Variants in CNTNAP5 observed in about 807,000 individuals in gnomAD.
CNTNAP5 encodes the protein contactin-associated protein-like 5.
In CNTNAP5, 72 loss-of-function variants were observed where a neutral mutation model predicts 150.2. That is an observed-to-expected ratio of 0.48 (90% CI 0.40 to 0.58). The LOEUF (loss-of-function observed/expected upper bound fraction) is 0.58, where lower values mean the gene tolerates loss of function less well. CNTNAP5 is among the 20% of genes least tolerant of loss of function. The pLI is 0.00. For missense variants in CNTNAP5, 1,636 were observed against 1,626.2 expected (o/e 1.01, Z -0.10); for synonymous variants, 672 against 619.8 (o/e 1.08, Z -1.25).
chr2:124,697,269 C>T (rs538527493), intron 13 of CNTNAP5, among the ~76,000 whole-genome samples: 2 of 152,072 alleles, frequency 1.3e-5, no homozygotes, highest in Non-Finnish European at 2.9e-5. Context: ...TAACTGAAGT[C>T]CAGAGTTACT....
chr2:124,211,556 A>T (rs1686012634), intron 1 of CNTNAP5, among the ~76,000 whole-genome samples: 1 of 151,884 alleles, frequency 6.6e-6, no homozygotes, highest in Admixed American at 6.6e-5. Flanking sequence ...AAGCAACCAC[A>T]TTATGATCTT....
chr2:124,554,565 C>T (rs1695709019), intron 10 of CNTNAP5, among the ~76,000 whole-genome samples: 1 of 151,672 alleles, frequency 6.6e-6, no homozygotes, highest in South Asian at 2.1e-4. Flanking sequence ...GGACTATAGG[C>T]GTGCACCTCC....
At chr2:124,152,142 T>A (rs1684421697) in intron 1 of CNTNAP5, among the ~76,000 whole-genome samples, 1 of 152,250 alleles carries the variant, frequency 6.6e-6, no homozygotes, top group South Asian at 2.1e-4. Context: ...CTGACTGCGC[T>A]CTACCTCAGG....
chr2:124,612,296 A>G (rs928853043), intron 12 of CNTNAP5, among the ~76,000 whole-genome samples: 2 of 152,216 alleles, frequency 1.3e-5, no homozygotes, highest in African/African-American at 4.8e-5. Flanking sequence ...TGTATGTTAT[A>G]TATATACATA....
At chr2:124,370,621 G>A (rs1210495701) in intron 3 of CNTNAP5, among the ~76,000 whole-genome samples, 1 of 152,088 alleles carries the variant, frequency 6.6e-6, no homozygotes, top group Non-Finnish European at 1.5e-5. Flanking sequence ...GGGAAATAAT[G>A]AATACGAAGT....
chr2:124,075,714 C>G (rs1682420491), intron 1 of CNTNAP5, among the ~76,000 whole-genome samples: 1 of 152,064 alleles, frequency 6.6e-6, no homozygotes, highest in Admixed American at 6.6e-5. Context: ...ATTTTGCTGT[C>G]TGTGTGTGGA....
chr2:124,524,382 T>A lies in CNTNAP5; in HGVS notation c.1407T>A (p.Asp469Glu), dbSNP rs533995937. ...ACCGCATCACGCTCACTCTGGATGA[T>A]GAAGCAGCACCCCCGGCTCCAGACA... is the stretch of plus-strand genomic sequence containing the variant. The part of the protein sequence containing the change: ...RRNRITLTLD[D>E]EAAPPAPDST... The change falls in exon 9 of 24, where the codon GAT becomes GAA. Residue 469 changes from aspartate to glutamate, a missense_variant. By Grantham distance (45) the Asp-to-Glu change is conservative. Transcript: ENST00000682447. 284 of 1,613,872 alleles carry A rather than the reference T, an allele frequency of 1.8e-4. 3 individuals carry two copies. In the South Asian group the frequency reaches 3.0e-3, roughly 17 times the overall value.
At chr2:124,089,340 T>A (rs1682766741) in intron 1 of CNTNAP5, among the ~76,000 whole-genome samples, 1 of 152,126 alleles carries the variant, frequency 6.6e-6, no homozygotes. Context: ...GGCGTTTGAC[T>A]TGTAGCATCT....
chr2:124,299,086 G>A (rs1395519644), intron 3 of CNTNAP5, among the ~76,000 whole-genome samples: 1 of 152,082 alleles, frequency 6.6e-6, no homozygotes, highest in East Asian at 1.9e-4. Context: ...AGGGAAACAG[G>A]GACACGTCAC....
chr2:124,675,024 TC>T (rs1678910218), intron 13 of CNTNAP5, among the ~76,000 whole-genome samples: 1 of 152,114 alleles, frequency 6.6e-6, no homozygotes, highest in African/African-American at 2.4e-5. Context: ...TCTGCCTACT[TC>T]TATTTATTTT....
chr2:124,451,988 G>A (rs1463956245), intron 6 of CNTNAP5, among the ~76,000 whole-genome samples: 1 of 152,120 alleles, frequency 6.6e-6, no homozygotes, highest in African/African-American at 2.4e-5. Flanking sequence ...ATAGGGAGAA[G>A]GAAATCTCTA....
Position 124,914,291 on chromosome 2 carries a change from A to G in CNTNAP5, c.*3A>G. 6.2e-7 allele frequency: 1 copy of G among 1,604,740 alleles called. No individual in the cohort carries two copies. Among genetic ancestry groups the G allele is most frequent in the Non-Finnish European group, 8.5e-7 (1 of 1,172,750 alleles). On this transcript the variant is annotated 3_prime_UTR_variant, in exon 24 of 24. Coordinates refer to ENST00000682447, the MANE Select transcript of CNTNAP5 (RefSeq NM_001367498.1). ...GTAAACGGGAATATTTCATCTGAGA[A>G]ACTGCAGGGTTCCTACTACTCTTTT...
chr2:124,100,187 G>A (rs183902929), intron 1 of CNTNAP5, among the ~76,000 whole-genome samples: 77 of 152,196 alleles, frequency 5.1e-4, no homozygotes, highest in African/African-American at 1.7e-3. Context: ...TACGAGGGGC[G>A]GAGGGGCGAC....
At chr2:124,078,314 G>T (rs1056912328) in intron 1 of CNTNAP5, among the ~76,000 whole-genome samples, 1 of 152,098 alleles carries the variant, frequency 6.6e-6, no homozygotes, top group African/African-American at 2.4e-5. Context: ...ATTTTGTTAT[G>T]CACTTGTAAT....
chr2:124,736,680 A>G (rs190792303), intron 13 of CNTNAP5, among the ~76,000 whole-genome samples: 9 of 152,340 alleles, frequency 5.9e-5, no homozygotes, highest in Non-Finnish European at 7.3e-5. Context: ...TTCTTCAATG[A>G]TAACCTAAAA....
At chr2:124,188,060 T>C (rs1256812061) in intron 1 of CNTNAP5, among the ~76,000 whole-genome samples, 3 of 152,188 alleles carry the variant, frequency 2.0e-5, no homozygotes, top group Non-Finnish European at 4.4e-5. Flanking sequence ...TTCACTAGTT[T>C]CCTGGCATCT....
chr2:124,866,351 G>A (rs1291540155), intron 20 of CNTNAP5, among the ~76,000 whole-genome samples: 1 of 152,166 alleles, frequency 6.6e-6, no homozygotes, highest in Non-Finnish European at 1.5e-5. Flanking sequence ...AAAGCAGCAG[G>A]TGATACTAAT....
chr2:124,349,261 A>G (rs1179699970), intron 3 of CNTNAP5, among the ~76,000 whole-genome samples: 2 of 152,352 alleles, frequency 1.3e-5, no homozygotes, highest in African/African-American at 2.4e-5. Context: ...ATACACCTGT[A>G]CAGCCTGGTA....
intron 3 of CNTNAP5, among the ~76,000 whole-genome samples, chr2:124,387,774 C>G (rs942023319): frequency 6.6e-6 from 1 of 152,126 alleles, no homozygotes; most frequent in Non-Finnish European, 1.5e-5. Context: ...TGTATACGTG[C>G]AAGTCACAGG....
Sources: gnomAD v4.1 joint callset for allele counts (sites outside exome capture counted in the v4.1 genomes callset) on GRCh38, gnomAD v4.1.1 for gene constraint, MANE v1.5 for transcripts, NCBI Gene and HGNC (gene_info 2026-07-23, HGNC 2026-07-21) for gene names.